The following AK5 variants were observed in gnomAD, a reference collection of about 807,000 sequenced individuals.
The protein encoded by AK5 is adenylate kinase isoenzyme 5.
A neutral mutation model predicts 69.5 loss-of-function variants in AK5; 27 were observed. That is an observed-to-expected ratio of 0.39 (90% CI 0.29 to 0.54). The LOEUF (loss-of-function observed/expected upper bound fraction) is 0.54, where lower values mean the gene tolerates loss of function less well. AK5 is among the 20% of genes least tolerant of loss of function. AK5 has a pLI of 0.71. For missense variants in AK5, 531 were observed against 700.4 expected, an observed-to-expected ratio of 0.76 and a Z score of 2.73; for synonymous variants, 260 against 244.4, an observed-to-expected ratio of 1.06 and a Z score of -0.60.
At chr1:77,424,899 A>G (rs963707959) in intron 8 of AK5, among the ~76,000 whole-genome samples, 2 of 152,204 alleles carry the variant, frequency 1.3e-5, no homozygotes, top group Admixed American at 1.3e-4. Flanking sequence ...GAACAACACC[A>G]AACCACAGAT....
intron 5 of AK5, among the ~76,000 whole-genome samples, chr1:77,317,075 C>T (rs1660282635): frequency 6.6e-6 from 1 of 152,172 alleles, no homozygotes; most frequent in Non-Finnish European, 1.5e-5. Context: ...AACTCAGCAT[C>T]GCTTTTGAGG....
chr1:77,372,766 T>TGC (rs1553141063), intron 6 of AK5, among the ~76,000 whole-genome samples: 23 of 127,648 alleles, frequency 1.8e-4, no homozygotes, highest in Non-Finnish European at 2.7e-4. Context: ...AATGTGTGTG[T>TGC]GTGTGCGTGT....
At chr1:77,449,109 A>G (rs981552658) in intron 8 of AK5, among the ~76,000 whole-genome samples, 8 of 152,186 alleles carry the variant, frequency 5.3e-5, no homozygotes, top group African/African-American at 1.9e-4. Flanking sequence ...TAATGGAGCT[A>G]TGAGAAGAGG....
rs146695048 is a variant in AK5, at chr1:77,305,942, A to T, written c.699+7995A>T. 6.1e-3 allele frequency among the ~76,000 whole-genome samples: 923 copies of T among 152,076 alleles called. 12 individuals are homozygous for T. The highest frequency in any genetic ancestry group is 0.021 in the African/African-American group (878 of 41,488). ...TATAGATTGCTTGGGTAGTATGGAT[A>T]TTTTGACAATATTGATTCTTCCAAT... On this transcript the variant is annotated intron_variant, in intron 5 of 13. Coordinates refer to ENST00000354567, the MANE Select transcript of AK5 (RefSeq NM_174858.3).
chr1:77,289,076 T>C (rs1227801097), intron 2 of AK5, among the ~76,000 whole-genome samples: 1 of 152,352 alleles, frequency 6.6e-6, no homozygotes, highest in East Asian at 1.9e-4. Flanking sequence ...AGACCCACTT[T>C]CTGGTTTGAT....
intron 12 of AK5, among the ~76,000 whole-genome samples, chr1:77,522,477 A>G (rs1187659809): frequency 6.6e-6 from 1 of 152,170 alleles, no homozygotes; most frequent in African/African-American, 2.4e-5. Flanking sequence ...CACCTGAACC[A>G]CACAGGGAAG....
intron 6 of AK5, among the ~76,000 whole-genome samples, chr1:77,396,156 A>G (rs992423534): frequency 5.3e-5 from 8 of 152,248 alleles, no homozygotes; most frequent in Admixed American, 3.3e-4. Flanking sequence ...AAGAATAAGA[A>G]GAGTAACTAC....
intron 6 of AK5, among the ~76,000 whole-genome samples, chr1:77,394,676 G>A (rs565121741): frequency 3.3e-5 from 5 of 152,270 alleles, no homozygotes; most frequent in Non-Finnish European, 7.4e-5. Flanking sequence ...TGGCCACACA[G>A]TAATGTCACT....
chr1:77,513,980 A>G (rs559219268), intron 10 of AK5, among the ~76,000 whole-genome samples: 1 of 152,314 alleles, frequency 6.6e-6, no homozygotes, highest in East Asian at 1.9e-4. Flanking sequence ...TGGGCTGGCA[A>G]TTCCCATACA....
chr1:77,411,102 CG>C, intron 7 of AK5, 31 bp downstream of exon 7: 1 of 1,574,328 alleles, frequency 6.4e-7, no homozygotes, highest in Non-Finnish European at 8.7e-7. Flanking sequence ...GACAACAGTA[CG>C]CCGTGATCAC....
At chr1:77,411,341 T>C (rs980737900) in intron 7 of AK5, among the ~76,000 whole-genome samples, 1 of 152,190 alleles carries the variant, frequency 6.6e-6, no homozygotes, top group African/African-American at 2.4e-5. Flanking sequence ...GTTACTATAA[T>C]AGAAAAATAT....
At chr1:77,499,585 G>A (rs1656576714) in intron 10 of AK5, among the ~76,000 whole-genome samples, 1 of 152,160 alleles carries the variant, frequency 6.6e-6, no homozygotes, top group Non-Finnish European at 1.5e-5. Context: ...TGGTGGGGAA[G>A]AGCCACAAGC....
At chr1:77,534,423 C>T (rs1417276407) in intron 12 of AK5, among the ~76,000 whole-genome samples, 1 of 152,170 alleles carries the variant, frequency 6.6e-6, no homozygotes, top group African/African-American at 2.4e-5. Context: ...AGACTTGGGA[C>T]TAGGAGCAGA....
At chr1:77,527,347 G>T (rs546702836) in intron 12 of AK5, among the ~76,000 whole-genome samples, 1 of 152,112 alleles carries the variant, frequency 6.6e-6, no homozygotes, top group Non-Finnish European at 1.5e-5. Context: ...GTCCTCTGGC[G>T]TAAGTATGAA....
chr1:77,339,640 A>G (rs1055314875), intron 5 of AK5, among the ~76,000 whole-genome samples: 1 of 132,074 alleles, frequency 7.6e-6, no homozygotes, highest in Non-Finnish European at 1.6e-5. Flanking sequence ...AAATTTAGCA[A>G]TATCTTTTTT....
At chr1:77,321,457 A>G (rs1303082021) in intron 5 of AK5, among the ~76,000 whole-genome samples, 1 of 152,014 alleles carries the variant, frequency 6.6e-6, no homozygotes, top group African/African-American at 2.4e-5. Context: ...CAATAGATAG[A>G]GCGAGACTCC....
chr1:77,392,610 G>A (rs554182670), intron 6 of AK5, among the ~76,000 whole-genome samples: 6 of 152,138 alleles, frequency 3.9e-5, no homozygotes, highest in African/African-American at 1.4e-4. Flanking sequence ...CAACTCTCTC[G>A]GCTGTCATTC....
At chr1:77,477,817 A>C (rs949216127) in intron 8 of AK5, among the ~76,000 whole-genome samples, 4 of 152,190 alleles carry the variant, frequency 2.6e-5, no homozygotes, top group Admixed American at 1.3e-4. Context: ...ATTTGAAGTT[A>C]CACATTTTGC....
intron 6 of AK5, chr1:77,371,421 C>G (rs3862894): frequency 0.24 from 37,005 of 152,022 alleles, 4,818 homozygotes; most frequent in East Asian, 0.4. Context: ...ACTGGAGGTG[C>G]TATTTGGAAA....
Sources: allele counts gnomAD v4.1 joint callset (sites outside exome capture counted in the v4.1 genomes callset), GRCh38; gene constraint gnomAD v4.1.1; transcripts MANE v1.5; gene names NCBI Gene and HGNC (gene_info 2026-07-23, HGNC 2026-07-21).